The following GLT1D1 variants were observed in gnomAD, a reference collection of about 807,000 sequenced individuals.
The protein encoded by GLT1D1 is glycosyltransferase 1 domain-containing protein 1.
In GLT1D1, 21 loss-of-function variants were observed where a neutral mutation model predicts 28.7. The ratio of observed to expected loss-of-function variants is 0.73; its 90% CI spans 0.52 to 1.05. The LOEUF (loss-of-function observed/expected upper bound fraction) is 1.05, where lower values mean the gene tolerates loss of function less well. Ranked by LOEUF, GLT1D1 falls within the 50% of genes least tolerant of loss-of-function variation. The probability of loss-of-function intolerance (pLI) is 0.00; values close to 1 mark genes in which losing one functional copy is unlikely to be tolerated. For missense variants in GLT1D1, 343 were observed against 330.6 expected (o/e 1.04, Z -0.29); for synonymous variants, 147 against 124.8 (o/e 1.18, Z -1.19).
chr12:128,877,156 T>G (rs1956887703), intron 2 of GLT1D1, among the ~76,000 whole-genome samples: 1 of 152,224 alleles, frequency 6.6e-6, no homozygotes, highest in Non-Finnish European at 1.5e-5. Context: ...CTGACTTTAC[T>G]GAGAGTATAG....
chr12:128,885,669 T>C (rs1270305443), intron 2 of GLT1D1, among the ~76,000 whole-genome samples: 1 of 152,228 alleles, frequency 6.6e-6, no homozygotes, highest in Non-Finnish European at 1.5e-5. Context: ...TTTCTCCAGA[T>C]AGGTCAAATT....
At chr12:128,935,251 TG>T (rs1168327006) in intron 4 of GLT1D1, among the ~76,000 whole-genome samples, 2 of 152,194 alleles carry the variant, frequency 1.3e-5, no homozygotes, top group African/African-American at 2.4e-5. Context: ...CAGAGCTTTA[TG>T]AAATAGTAGA....
intron 4 of GLT1D1, among the ~76,000 whole-genome samples, chr12:128,916,417 A>G (rs1359408696): frequency 6.6e-6 from 1 of 152,192 alleles, no homozygotes; most frequent in Non-Finnish European, 1.5e-5. Context: ...TATGATTAAC[A>G]TTATAAAAAA....
intron 6 of GLT1D1, among the ~76,000 whole-genome samples, chr12:128,950,446 C>T (rs1274337169): frequency 1.3e-5 from 2 of 152,184 alleles, no homozygotes; most frequent in East Asian, 1.9e-4. Flanking sequence ...TCCATCGCCA[C>T]ATGACAAGCA....
chr12:128,945,065 G>T, intron 4 of GLT1D1: 1 of 657,120 alleles, frequency 1.5e-6, no homozygotes. Flanking sequence ...TCTGCGCCCC[G>T]CAGCATGTTG....
At chr12:128,858,670 C>CAAA (rs139166927) in intron 1 of GLT1D1, among the ~76,000 whole-genome samples, 4 of 113,788 alleles carry the variant, frequency 3.5e-5, no homozygotes, top group African/African-American at 1.2e-4. Context: ...GACTCAGTCT[C>CAAA]AAAAAAAAAA....
intron 4 of GLT1D1, among the ~76,000 whole-genome samples, chr12:128,913,168 C>T (rs1051299919): frequency 6.6e-6 from 1 of 152,218 alleles, no homozygotes; most frequent in African/African-American, 2.4e-5. Flanking sequence ...CCAATTCTGC[C>T]CCTATGGTGG....
intron 4 of GLT1D1, chr12:128,912,433 A>G: frequency 6.6e-7 from 1 of 1,526,022 alleles, no homozygotes; most frequent in Non-Finnish European, 8.8e-7. Flanking sequence ...GCCGCATGCT[A>G]AGGGTAAGGT....
rs189199161 is a variant in GLT1D1, at chr12:128,920,056, T to C, written c.375+20769T>C. On this transcript the variant is annotated intron_variant, in intron 4 of 7. Transcript: ENST00000281703. ...TGTATTTCTATAATGGAAACTCAAA[T>C]TTGCCTAACTCAGATTGTAGCACTT... 3.3e-3 allele frequency among the ~76,000 whole-genome samples: 505 copies of C among 151,888 alleles called. 3 individuals carry two copies. The highest frequency in any genetic ancestry group is 0.012 in the African/African-American group (488 of 41,386).
intron 4 of GLT1D1, among the ~76,000 whole-genome samples, chr12:128,943,355 C>CTCTT (rs1555272711): frequency 6.0e-4 from 87 of 144,850 alleles, no homozygotes; most frequent in African/African-American, 2.2e-3. Context: ...TCTTTTCTCT[C>CTCTT]TTTTTTTTTT....
At chr12:128,914,117 C>T (rs186701401) in intron 4 of GLT1D1, among the ~76,000 whole-genome samples, 2 of 152,196 alleles carry the variant, frequency 1.3e-5, no homozygotes, top group African/African-American at 2.4e-5. Flanking sequence ...ACGTGTTAGA[C>T]GTTGCCTCTG....
rs111607844 is a variant in GLT1D1, at chr12:128,898,414, T to A, written c.324-822T>A. Among the ~76,000 whole-genome samples, 930 of 152,232 alleles carry A rather than the reference T, an allele frequency of 6.1e-3. 6 individuals are homozygous for A. Among genetic ancestry groups the A allele is most frequent in the African/African-American group, 0.021 (884 of 41,554 alleles). On this transcript the variant is annotated intron_variant, in intron 3 of 7. Transcript: ENST00000281703. ...CTGGTCTTGAATGCCTGGGCTCAAG[T>A]GATCTTCCTGCCTCAGCCTCCCAAA... is the stretch of plus-strand genomic sequence containing the variant.
intron 1 of GLT1D1, 102 bp downstream of exon 1, chr12:128,853,751 C>T: frequency 1.3e-6 from 1 of 758,922 alleles, no homozygotes; most frequent in Non-Finnish European, 1.6e-6. Context: ...CCCCTCCAGC[C>T]GCGCCGGGGC....
chr12:128,883,589 C>CA (rs202021879), intron 2 of GLT1D1, among the ~76,000 whole-genome samples: 1,941 of 77,642 alleles, frequency 0.025, 24 homozygotes, highest in African/African-American at 0.045. Flanking sequence ...GACTCCATCT[C>CA]AAAAAAAAAA....
At chr12:128,961,846 C>T (rs1441454853) in intron 7 of GLT1D1, among the ~76,000 whole-genome samples, 1 of 152,200 alleles carries the variant, frequency 6.6e-6, no homozygotes, top group Non-Finnish European at 1.5e-5. Flanking sequence ...CACACTGACA[C>T]ATAAAATTAA....
chr12:128,889,866 C>A (rs1410247480), intron 3 of GLT1D1, among the ~76,000 whole-genome samples: 1 of 152,242 alleles, frequency 6.6e-6, no homozygotes, highest in Non-Finnish European at 1.5e-5. Flanking sequence ...CCTCAGCCTC[C>A]CGGGTTCAGG....
At chr12:128,964,734 A>G (rs1878293828) in intron 7 of GLT1D1, among the ~76,000 whole-genome samples, 1 of 152,148 alleles carries the variant, frequency 6.6e-6, no homozygotes, top group African/African-American at 2.4e-5. Context: ...TTGTGTTATT[A>G]GTGTGAAGAG....
chr12:128,959,652 A>G (rs1359135353), intron 7 of GLT1D1, among the ~76,000 whole-genome samples: 2 of 152,166 alleles, frequency 1.3e-5, no homozygotes, highest in Non-Finnish European at 2.9e-5. Context: ...TTCTCTTTTG[A>G]TAGTAATACC....
In GLT1D1 at chr12:128,983,283, C is replaced by G. The variant is rs1238458512; in HGVS notation, c.*193C>G. 1.8e-5 allele frequency: 10 copies of G among 569,058 alleles called. No individual in the cohort carries two copies. In the East Asian group the frequency reaches 2.9e-4, roughly 16 times the overall value. 35.3% of individuals were successfully genotyped at this position (569,058 alleles called of 1,614,324 possible). On this transcript the variant is annotated 3_prime_UTR_variant, in exon 8 of 8. Coordinates refer to ENST00000281703, the MANE Select transcript of GLT1D1 (RefSeq NM_144669.3). This position sits in a 1 kb window ranked among gnomAD's most constrained non-coding sequence, Gnocchi z 4.7. ...ATCCTTCTGTGCGTTCAGATGCTGTCCCAGGCGTGTTCACCAGCCAGTCCT... is the reference window on the plus strand; with the variant it reads ...ATCCTTCTGTGCGTTCAGATGCTGTGCCAGGCGTGTTCACCAGCCAGTCCT...
Sources: allele counts gnomAD v4.1 joint callset (sites outside exome capture counted in the v4.1 genomes callset), GRCh38; gene constraint gnomAD v4.1.1; non-coding constraint Gnocchi (gnomAD v3.1); transcripts MANE v1.5; gene names NCBI Gene and HGNC (gene_info 2026-07-23, HGNC 2026-07-21).